MICU2: variants seen among roughly 807,000 people sequenced by gnomAD.
The protein encoded by MICU2 is calcium uptake protein 2, mitochondrial.
Under a neutral mutation model 60.4 loss-of-function variants are expected in MICU2, and 64 were observed. The ratio of observed to expected loss-of-function variants is 1.06; its 90% CI spans 0.87 to 1.31. The LOEUF is 1.31. Ranked by LOEUF, MICU2 falls within the 50% of genes most tolerant of loss-of-function variation. The pLI is 0.00. For synonymous variants in MICU2, 201 were observed against 175.0 expected, an observed-to-expected ratio of 1.15 and a Z score of -1.17; for missense variants, 569 against 531.0, an observed-to-expected ratio of 1.07 and a Z score of -0.70.
At chr13:21,547,802 G>C (rs140708269) in intron 2 of MICU2, among the ~76,000 whole-genome samples, 23 of 151,354 alleles carry the variant, frequency 1.5e-4, no homozygotes, top group Non-Finnish European at 2.9e-4. Context: ...TGGGGGTGGG[G>C]GTAGAGCATC....
chr13:21,578,002 A>AATG (rs1483605285), intron 1 of MICU2, among the ~76,000 whole-genome samples: 1 of 151,454 alleles, frequency 6.6e-6, no homozygotes, highest in Non-Finnish European at 1.5e-5. Flanking sequence ...TAATAATAAT[A>AATG]ATAAATTAAA....
intron 8 of MICU2, 80 bp from the exon 9 acceptor site, chr13:21,503,177 T>C (rs1886221598): frequency 5.9e-6 from 6 of 1,011,600 alleles, no homozygotes; most frequent in Non-Finnish European, 8.7e-6. Context: ...GCAAAGTACC[T>C]TCACTATTAC....
chr13:21,531,186 C>T (rs1311277509), intron 4 of MICU2: 3 of 950,190 alleles, frequency 3.2e-6, no homozygotes, highest in South Asian at 2.6e-5. Context: ...GGAAGACATT[C>T]TTAATAAAGC....
intron 6 of MICU2, among the ~76,000 whole-genome samples, chr13:21,519,904 G>A (rs968391883): frequency 7.2e-5 from 11 of 152,186 alleles, no homozygotes; most frequent in African/African-American, 2.7e-4. Context: ...TCAGGATCAT[G>A]CACCGGATGA....
intron 4 of MICU2, among the ~76,000 whole-genome samples, chr13:21,526,810 G>GA (rs35261213): frequency 5.1e-4 from 77 of 149,978 alleles, no homozygotes; most frequent in African/African-American, 8.1e-4. Flanking sequence ...GCAGCAATGG[G>GA]AAAAAAAAAA....
chr13:21,584,841 C>T (rs1394531215), intron 1 of MICU2, among the ~76,000 whole-genome samples: 2 of 152,166 alleles, frequency 1.3e-5, no homozygotes, highest in East Asian at 3.9e-4. Flanking sequence ...TGTGTTTATG[C>T]ACTGTTGTAA....
chr13:21,593,616 A>C (rs1033744329), intron 1 of MICU2, among the ~76,000 whole-genome samples: 1 of 147,976 alleles, frequency 6.8e-6, no homozygotes, highest in Non-Finnish European at 1.5e-5. Flanking sequence ...GCATCATGCT[A>C]ACTGACTTCA....
intron 4 of MICU2, among the ~76,000 whole-genome samples, chr13:21,526,167 T>C (rs1886851644): frequency 6.8e-6 from 1 of 147,374 alleles, no homozygotes; most frequent in South Asian, 2.2e-4. Context: ...TTGCCCTGGC[T>C]GGTCTTGAAT....
intron 4 of MICU2, among the ~76,000 whole-genome samples, chr13:21,538,334 C>T (rs889139667): frequency 6.6e-6 from 1 of 151,882 alleles, no homozygotes; most frequent in Non-Finnish European, 1.5e-5. Context: ...CTTTCAATGG[C>T]CAAGTCAGGA....
intron 8 of MICU2, among the ~76,000 whole-genome samples, chr13:21,507,883 T>C (rs1448852019): frequency 1.3e-5 from 2 of 151,874 alleles, no homozygotes; most frequent in African/African-American, 2.4e-5. Context: ...GATACAGACA[T>C]GAGCCACCGC....
At chr13:21,596,847 T>C (rs943652379) in intron 1 of MICU2, among the ~76,000 whole-genome samples, 2 of 152,226 alleles carry the variant, frequency 1.3e-5, no homozygotes, top group African/African-American at 4.8e-5. Flanking sequence ...TATATTTATA[T>C]CTTCAGTTGG....
chr13:21,524,208 A>C (rs981548719), intron 4 of MICU2, among the ~76,000 whole-genome samples: 5 of 152,204 alleles, frequency 3.3e-5, no homozygotes, highest in Non-Finnish European at 7.3e-5. Context: ...GGAAAACTTC[A>C]ATCATATGCA....
intron 1 of MICU2, among the ~76,000 whole-genome samples, chr13:21,579,419 C>T (rs180899688): frequency 6.7e-6 from 1 of 149,744 alleles, no homozygotes; most frequent in Non-Finnish European, 1.5e-5. Flanking sequence ...TGGCTCACTG[C>T]GACCTCTGCC....
intron 8 of MICU2, among the ~76,000 whole-genome samples, chr13:21,509,091 T>C (rs1178964947): frequency 6.6e-6 from 1 of 152,234 alleles, no homozygotes; most frequent in African/African-American, 2.4e-5. Context: ...GCCTCCCAAG[T>C]CAGTGTTTTT....
At chr13:21,507,593 T>A (rs966871353) in intron 8 of MICU2, among the ~76,000 whole-genome samples, 9 of 151,818 alleles carry the variant, frequency 5.9e-5, no homozygotes, top group African/African-American at 2.2e-4. Flanking sequence ...AAAAATCTAA[T>A]TCAGAAACTT....
At chr13:21,590,897 A>G (rs1340399035) in intron 1 of MICU2, among the ~76,000 whole-genome samples, 1 of 152,184 alleles carries the variant, frequency 6.6e-6, no homozygotes, top group Non-Finnish European at 1.5e-5. Context: ...CTAAATATGG[A>G]AAAGAAGAAC....
At chr13:21,505,152 G>C (rs1263990203) in intron 8 of MICU2, among the ~76,000 whole-genome samples, 1 of 151,978 alleles carries the variant, frequency 6.6e-6, no homozygotes, top group Non-Finnish European at 1.5e-5. Context: ...AAATTCATTG[G>C]AATAAAAAAT....
intron 4 of MICU2, among the ~76,000 whole-genome samples, chr13:21,536,032 T>C (rs1239797134): frequency 6.6e-6 from 1 of 152,134 alleles, no homozygotes; most frequent in East Asian, 1.9e-4. Context: ...AAATTCCCAC[T>C]ATAAAAAATT....
intron 1 of MICU2, among the ~76,000 whole-genome samples, chr13:21,581,553 C>G (rs191299124): frequency 5.3e-5 from 8 of 152,122 alleles, no homozygotes; most frequent in Admixed American, 4.6e-4. Context: ...GATTCACACC[C>G]TATTCAAAGA....
Sources: allele counts gnomAD v4.1 joint callset (sites outside exome capture counted in the v4.1 genomes callset), GRCh38; gene constraint gnomAD v4.1.1; transcripts MANE v1.5; gene names NCBI Gene and HGNC (gene_info 2026-07-23, HGNC 2026-07-21).